Variants in H1-6 observed in about 807,000 individuals in gnomAD.
The protein encoded by H1-6 is histone H1t.
For synonymous variants in H1-6, 225 were observed against 100.1 expected (o/e 2.25, Z -7.45); for missense variants, 538 against 246.5 (o/e 2.18, Z -7.92).
rs753573888 is a variant in H1-6 at position 26,107,786 on chromosome 6, G to C, written c.308C>G (p.Thr103Ser). 1 of 1,614,084 alleles carries C rather than the reference G, an allele frequency of 6.2e-7. No individual in the cohort carries two copies. The highest frequency in any genetic ancestry group is 2.2e-5 in the East Asian group (1 of 44,902). The change falls in exon 1 of 1, where the codon ACT becomes AGT. Residue 103 changes from threonine to serine, a missense_variant. Coordinates refer to ENST00000338379, the MANE Select transcript of H1-6 (RefSeq NM_005323.4). ...NKGILVQTRG[T>S]GASGSFKLSK... ...AAGCTTAAAGGAACCGGAAGCACCA[G>C]TACCCCTGGTTTGCACCAGGATTCC...
rs369806799 is a variant in H1-6, at chr6:26,107,948, G to T, written c.146C>A (p.Thr49Asn). ...TTCCTGTGACACTGAAAGGGCCTCGGTGATCAACTTGGACACAGAGAGGTT... is the reference window on the plus strand; with the variant it reads ...TTCCTGTGACACTGAAAGGGCCTCGTTGATCAACTTGGACACAGAGAGGTT... Reference protein sequence around the residue: ...VPNLSVSKLITEALSVSQERV... With the variant: ...VPNLSVSKLINEALSVSQERV... Residue 49 changes from threonine (T) to asparagine (N), a missense_variant, in exon 1 of 1, where the codon ACC becomes AAC. Physicochemically the swap from Thr to Asn is moderately conservative, Grantham distance 65 (BLOSUM62 0). Coordinates refer to ENST00000338379, the MANE Select transcript of H1-6 (RefSeq NM_005323.4). The T allele has an allele frequency of 1.2e-6, 2 of 1,614,102 alleles. No homozygotes were observed. The highest frequency in any genetic ancestry group is 2.2e-5 in the East Asian group (1 of 44,888).
Position 26,107,537 on chromosome 6 carries a change from C to T in H1-6, c.557G>A (p.Arg186Lys). 3.7e-6 allele frequency: 6 copies of T among 1,613,434 alleles called. No individual in the cohort carries two copies. The highest frequency in any genetic ancestry group is 5.1e-6 in the Non-Finnish European group (6 of 1,179,772). Residue 186 changes from arginine to lysine, a missense_variant, in exon 1 of 1, where the codon AGG (arginine) becomes AAG (lysine). Transcript: ENST00000338379. ...KQQQKSPVKA[R>K]ASKSKLTQHH... ...TTGGGTCAATTTTGACTTCGAAGCCCTTGCCTTCACTGGGCTCTTCTGCTG... is the reference window on the plus strand; with the variant it reads ...TTGGGTCAATTTTGACTTCGAAGCCTTTGCCTTCACTGGGCTCTTCTGCTG...
In H1-6 at chr6:26,107,988, T is replaced by G. The variant is rs753754192; in HGVS notation, c.106A>C (p.Ser36Arg). The change falls in exon 1 of 1, where the codon AGT (serine) becomes CGT (arginine). Residue 36 changes from serine (S) to arginine (R), a missense_variant. Transcript: ENST00000338379. Reference protein sequence around the residue: ...GRKPAGLISASRKVPNLSVSK... With the variant: ...GRKPAGLISARRKVPNLSVSK... The stretch of plus-strand genomic sequence containing the variant: ...ACAGAGAGGTTCGGCACTTTGCGAC[T>G]TGCACTTATCAAGCCAGCCGGCTTC... The G allele has an allele frequency of 6.2e-7, 1 of 1,614,230 alleles. No individual in the cohort carries two copies. Among genetic ancestry groups the G allele is most frequent in the Non-Finnish European group, 8.5e-7 (1 of 1,180,048 alleles).
In H1-6 at chr6:26,107,693, T is replaced by A; in HGVS notation, c.401A>T (p.Lys134Met). The A allele has an allele frequency of 6.2e-7, 1 of 1,614,196 alleles. No individual in the cohort carries two copies. The highest frequency in any genetic ancestry group is 8.5e-7 in the Non-Finnish European group (1 of 1,180,032). ...CTTGGAGTCCCTGGATAAAACCAGC[T>A]TCTTGGTCTTGGCAGAAACTGACTT... ...AKKSVSAKTKKLVLSRDSKSP... is the reference protein window; with the variant it reads ...AKKSVSAKTKMLVLSRDSKSP... Residue 134 changes from lysine to methionine, a missense_variant, in exon 1 of 1, where the codon AAG (lysine) becomes ATG (methionine). Coordinates refer to ENST00000338379, the MANE Select transcript of H1-6 (RefSeq NM_005323.4).
Position 26,107,731 on chromosome 6 carries a change from T to A in H1-6, c.363A>T (p.Arg121Ser). ...CAGAAACTGACTTTTTAGCCTTGCT[T>A]CTGGTAGATTTAGGAATCACCTTCT... ...LSKKVIPKST[R>S]SKAKKSVSAK... Residue 121 changes from arginine to serine, a missense_variant, in exon 1 of 1, where the codon AGA (arginine) becomes AGT (serine). Transcript: ENST00000338379. 1 of 1,614,222 alleles carries A rather than the reference T, an allele frequency of 6.2e-7. No individual in the cohort carries two copies. The highest frequency in any genetic ancestry group is 8.5e-7 in the Non-Finnish European group (1 of 1,180,034).
Position 26,107,763 on chromosome 6 carries a change from G to C in H1-6, c.331C>G (p.Leu111Val), listed in dbSNP as rs201237845. 6.2e-7 allele frequency: 1 copy of C among 1,614,068 alleles called. No homozygotes were observed. ...RGTGASGSFK[L>V]SKKVIPKSTR... ...GATTTAGGAATCACCTTCTTACTAAGCTTAAAGGAACCGGAAGCACCAGTA... is the reference window on the plus strand; with the variant it reads ...GATTTAGGAATCACCTTCTTACTAACCTTAAAGGAACCGGAAGCACCAGTA... Residue 111 changes from leucine to valine, a missense_variant, in exon 1 of 1, where the codon CTT (leucine) becomes GTT (valine). Transcript: ENST00000338379.
In H1-6 at chr6:26,107,950, G is replaced by C. The variant is rs952039477; in HGVS notation, c.144C>G (p.Ile48Met). The C allele has an allele frequency of 5.6e-6, 9 of 1,614,220 alleles. No homozygotes were observed. The highest frequency in any genetic ancestry group is 6.8e-6 in the Non-Finnish European group (8 of 1,180,044). The change falls in exon 1 of 1, where the codon ATC becomes ATG. Residue 48 changes from isoleucine to methionine, a missense_variant. Physicochemically the swap from Ile to Met is conservative, Grantham distance 10. Transcript: ENST00000338379. ...CCTGTGACACTGAAAGGGCCTCGGTGATCAACTTGGACACAGAGAGGTTCG... is the reference window on the plus strand; with the variant it reads ...CCTGTGACACTGAAAGGGCCTCGGTCATCAACTTGGACACAGAGAGGTTCG... Reference protein sequence around the residue: ...KVPNLSVSKLITEALSVSQER... With the variant: ...KVPNLSVSKLMTEALSVSQER...
At position 26,107,896 on chromosome 6, in the gene H1-6, G is replaced by A; in HGVS notation, c.198C>T (p.Leu66=). 2 of 1,614,194 alleles carry A rather than the reference G, an allele frequency of 1.2e-6. No homozygotes were observed. The highest frequency in any genetic ancestry group is 1.6e-4 in the Middle Eastern group (1 of 6,062). The change falls in exon 1 of 1, where the codon CTC becomes CTT. Residue 66 remains leucine (L), a synonymous_variant. Coordinates refer to ENST00000338379, the MANE Select transcript of H1-6 (RefSeq NM_005323.4). ...QERVGMSLVA[L]KKALAAAGYD... is the part of the protein sequence containing the mutation. The stretch of plus-strand genomic sequence containing the variant: ...AGCCAGCAGCGGCCAATGCCTTCTT[G>A]AGCGCAACCAAAGACATACCTACTC...
chr6:26,107,446 C>T lies in H1-6; in HGVS notation c.*24G>A. 9 of 1,559,140 alleles carry T rather than the reference C, an allele frequency of 5.8e-6. No individual in the cohort carries two copies. Among genetic ancestry groups the T allele is most frequent in the Non-Finnish European group, 6.9e-6 (8 of 1,160,100 alleles). On this transcript the variant is annotated 3_prime_UTR_variant, in exon 1 of 1. Transcript: ENST00000338379. ...CTTAAAAGAGCCTTTGGGTTCTTTC[C>T]AAATTGGCCTCCCGGAAAGCTCTTT... is the stretch of plus-strand genomic sequence containing the variant.
chr6:26,107,975 G>A lies in H1-6; in HGVS notation c.119C>T (p.Pro40Leu), dbSNP rs35724031. 3,133 of 1,614,160 alleles carry A rather than the reference G, an allele frequency of 1.9e-3. 14 individuals are homozygous for A. The highest frequency in any genetic ancestry group is 0.018 in the African/African-American group (1,318 of 75,016). Reference protein sequence around the residue: ...AGLISASRKVPNLSVSKLITE... With the variant: ...AGLISASRKVLNLSVSKLITE... Reference sequence around the variant, plus strand: ...GATCAACTTGGACACAGAGAGGTTCGGCACTTTGCGACTTGCACTTATCAA... The same window carrying A: ...GATCAACTTGGACACAGAGAGGTTCAGCACTTTGCGACTTGCACTTATCAA... The change falls in exon 1 of 1, where the codon CCG becomes CTG. Residue 40 changes from proline (P) to leucine (L), a missense_variant. Physicochemically the swap from Pro to Leu is moderately conservative, Grantham distance 98. Coordinates refer to ENST00000338379, the MANE Select transcript of H1-6 (RefSeq NM_005323.4).
rs755330673 is a variant in H1-6, at chr6:26,108,037, T to G, written c.57A>C (p.Lys19Asn). The G allele has an allele frequency of 1.2e-6, 2 of 1,614,114 alleles. No homozygotes were observed. The highest frequency in any genetic ancestry group is 1.7e-6 in the Non-Finnish European group (2 of 1,179,998). The change falls in exon 1 of 1, where the codon AAA becomes AAC. Residue 19 changes from lysine (K) to asparagine (N), a missense_variant. Physicochemically the swap from Lys to Asn is moderately conservative, Grantham distance 94. Transcript: ENST00000338379. The stretch of plus-strand genomic sequence containing the variant: ...TCCTCCCTCGCTTCTTGGTTGGAAG[T>G]TTCTCCATAGCGGCTACACCAGCAC... ...SASAGVAAME[K>N]LPTKKRGRKP...
Position 26,107,484 on chromosome 6 carries a change from T to TAA in H1-6, c.609_610insTT (p.Thr204LeufsTer?), listed in dbSNP as rs1763269903. The TAA allele has an allele frequency of 6.2e-7, 1 of 1,601,474 alleles. No individual in the cohort carries two copies. The highest frequency in any genetic ancestry group is 1.4e-5 in the African/African-American group (1 of 73,886). On this transcript the variant is annotated frameshift_variant, in exon 1 of 1. Coordinates refer to ENST00000338379, the MANE Select transcript of H1-6 (RefSeq NM_005323.4). LOFTEE classifies it high-confidence loss of function. The stretch of plus-strand genomic sequence containing the variant: ...CGGAAAGCTCTTTACTTCTTAGATG[T>TAA]GGCCTTTCTAACATTAACTTCATGA...
chr6:26,107,543 T>G lies in H1-6; in HGVS notation c.551A>C (p.Lys184Thr). The change falls in exon 1 of 1, where the codon AAG (lysine) becomes ACG (threonine). Residue 184 changes from lysine (K) to threonine (T), a missense_variant. Transcript: ENST00000338379. The part of the protein sequence containing the change: ...KGKQQQKSPV[K>T]ARASKSKLTQ... ...CAATTTTGACTTCGAAGCCCTTGCCTTCACTGGGCTCTTCTGCTGTTGCTT... is the reference window on the plus strand; with the variant it reads ...CAATTTTGACTTCGAAGCCCTTGCCGTCACTGGGCTCTTCTGCTGTTGCTT... 6.2e-7 allele frequency: 1 copy of G among 1,613,680 alleles called. No individual in the cohort carries two copies. The highest frequency in any genetic ancestry group is 8.5e-7 in the Non-Finnish European group (1 of 1,179,788).
Position 26,107,703 on chromosome 6 carries a change from T to A in H1-6, c.391A>T (p.Lys131Ter), listed in dbSNP as rs1399815888. The A allele has an allele frequency of 6.2e-7, 1 of 1,614,094 alleles. No individual in the cohort carries two copies. The highest frequency in any genetic ancestry group is 1.3e-5 in the African/African-American group (1 of 74,932). The stretch of plus-strand genomic sequence containing the variant: ...CTGGATAAAACCAGCTTCTTGGTCT[T>A]GGCAGAAACTGACTTTTTAGCCTTG... ...RSKAKKSVSA[K>*]TKKLVLSRDS... The change falls in exon 1 of 1, where the codon AAG becomes TAG. Residue 131 changes from lysine to a stop codon, truncating the protein, a stop_gained. Coordinates refer to ENST00000338379, the MANE Select transcript of H1-6 (RefSeq NM_005323.4). LOFTEE classifies it low-confidence loss of function (END_TRUNC).
chr6:26,107,889 C>T lies in H1-6; in HGVS notation c.205G>A (p.Ala69Thr), dbSNP rs146860658. The T allele has an allele frequency of 1.1e-4, 182 of 1,614,210 alleles. No individual in the cohort carries two copies. In the African/African-American group the frequency reaches 1.9e-3, roughly 17 times the overall value. The change falls in exon 1 of 1, where the codon GCA becomes ACA. Residue 69 changes from alanine to threonine, a missense_variant. Physicochemically the swap from Ala to Thr is moderately conservative, Grantham distance 58. Coordinates refer to ENST00000338379, the MANE Select transcript of H1-6 (RefSeq NM_005323.4). ...ACGTCGTAGCCAGCAGCGGCCAATG[C>T]CTTCTTGAGCGCAACCAAAGACATA... Reference protein sequence around the residue: ...VGMSLVALKKALAAAGYDVEK... With the variant: ...VGMSLVALKKTLAAAGYDVEK...
rs1763310972 is a variant in H1-6 at position 26,108,067 on chromosome 6, A to G, written c.27T>C (p.Ser9=). Residue 9 remains serine (S), a synonymous_variant, in exon 1 of 1, where the codon TCT becomes TCC. Coordinates refer to ENST00000338379, the MANE Select transcript of H1-6 (RefSeq NM_005323.4). ...CCATAGCGGCTACACCAGCACTGGC[A>G]GAAGCTGCAGGCACGGTTTCAGACA... MSETVPAA[S]ASAGVAAMEK... 1.9e-6 allele frequency: 3 copies of G among 1,614,060 alleles called. No individual in the cohort carries two copies. The highest frequency in any genetic ancestry group is 2.2e-5 in the South Asian group (2 of 91,086).
Position 26,107,492 on chromosome 6 carries a change from C to G in H1-6, c.602G>C (p.Arg201Thr). ...TCTTTACTTCTTAGATGTGGCCTTT[C>G]TAACATTAACTTCATGATGTTGGGT... Reference protein sequence around the residue: ...KLTQHHEVNVRKATSKK With the variant: ...KLTQHHEVNVTKATSKK Residue 201 changes from arginine to threonine, a missense_variant, in exon 1 of 1, where the codon AGA becomes ACA. Arg to Thr is a moderately conservative substitution (Grantham distance 71). Coordinates refer to ENST00000338379, the MANE Select transcript of H1-6 (RefSeq NM_005323.4). 2.5e-6 allele frequency: 4 copies of G among 1,603,888 alleles called. No homozygotes were observed. The highest frequency in any genetic ancestry group is 2.7e-5 in the African/African-American group (2 of 74,142).
In H1-6 at chr6:26,108,082, G is replaced by C. The variant is rs577165099; in HGVS notation, c.12C>G (p.Thr4=). ...CAGCACTGGCAGAAGCTGCAGGCAC[G>C]GTTTCAGACATAACAACAGAGAAAC... MSE[T]VPAASASAGV... is the part of the protein sequence containing the mutation. The change falls in exon 1 of 1, where the codon ACC becomes ACG. Residue 4 remains threonine, a synonymous_variant. Transcript: ENST00000338379. 6.2e-7 allele frequency: 1 copy of C among 1,613,740 alleles called. No homozygotes were observed. Among genetic ancestry groups the C allele is most frequent in the Admixed American group, 1.7e-5 (1 of 59,982 alleles).
At position 26,107,517 on chromosome 6, in the gene H1-6, T is replaced by C. The variant is rs748427539; in HGVS notation, c.577A>G (p.Thr193Ala). The C allele has an allele frequency of 6.8e-6, 11 of 1,610,456 alleles. No homozygotes were observed. Among genetic ancestry groups the C allele is most frequent in the Middle Eastern group, 1.6e-4 (1 of 6,062 alleles). Residue 193 changes from threonine to alanine, a missense_variant, in exon 1 of 1, where the codon ACC (threonine) becomes GCC (alanine). Transcript: ENST00000338379. Reference sequence around the variant, plus strand: ...CTAACATTAACTTCATGATGTTGGGTCAATTTTGACTTCGAAGCCCTTGCC... The same window carrying C: ...CTAACATTAACTTCATGATGTTGGGCCAATTTTGACTTCGAAGCCCTTGCC... ...VKARASKSKLTQHHEVNVRKA... is the reference protein window; with the variant it reads ...VKARASKSKLAQHHEVNVRKA...
Sources: gnomAD v4.1 joint callset for allele counts on GRCh38, gnomAD v4.1.1 for gene constraint, MANE v1.5 for transcripts, NCBI Gene and HGNC (gene_info 2026-07-23, HGNC 2026-07-21) for gene names.